The following A1CF variants were observed in gnomAD, a reference collection of about 807,000 sequenced individuals.
A1CF encodes the protein APOBEC-1 stimulating protein.
A1CF carries 48 observed loss-of-function variants against 68.9 expected under a neutral mutation model. The observed-to-expected ratio is 0.70, with a 90% CI of 0.55 to 0.89. The LOEUF is 0.89. Ranked by LOEUF, A1CF falls within the 40% of genes least tolerant of loss-of-function variation. The probability of loss-of-function intolerance (pLI) is 0.00; values close to 1 mark genes in which losing one functional copy is unlikely to be tolerated. For synonymous variants in A1CF, 272 were observed against 260.4 expected (o/e 1.04, Z -0.43); for missense variants, 653 against 718.9 (o/e 0.91, Z 1.05).
intron 3 of A1CF, among the ~76,000 whole-genome samples, chr10:50,852,062 G>A (rs1242532240): frequency 6.6e-6 from 1 of 152,150 alleles, no homozygotes; most frequent in Non-Finnish European, 1.5e-5. Context: ...ATTTGTCAGC[G>A]TGCGCAGTCC....
intron 1 of A1CF, among the ~76,000 whole-genome samples, chr10:50,874,982 T>C (rs1019558856): frequency 6.6e-6 from 1 of 152,138 alleles, no homozygotes; most frequent in African/African-American, 2.4e-5. Flanking sequence ...GCTTCTCAGG[T>C]GATAACAATA....
At chr10:50,820,320 G>A (rs577506988) in intron 8 of A1CF, among the ~76,000 whole-genome samples, 37 of 152,270 alleles carry the variant, frequency 2.4e-4, no homozygotes, top group African/African-American at 8.7e-4. Context: ...TTGAGGGCCA[G>A]TGACTTGTCC....
chr10:50,838,181 C>A (rs1290645346), intron 5 of A1CF, among the ~76,000 whole-genome samples: 2 of 152,106 alleles, frequency 1.3e-5, no homozygotes, highest in Non-Finnish European at 2.9e-5. Flanking sequence ...ATCCATGGAG[C>A]GAATGGCTCT....
chr10:50,809,190 G>C (rs1359671333), intron 12 of A1CF, among the ~76,000 whole-genome samples: 1 of 152,122 alleles, frequency 6.6e-6, no homozygotes, highest in South Asian at 2.1e-4. Flanking sequence ...TTGATCCACG[G>C]ATAGGCTTTG....
At chr10:50,856,143 A>G (rs1316225596) in intron 3 of A1CF, among the ~76,000 whole-genome samples, 1 of 152,054 alleles carries the variant, frequency 6.6e-6, no homozygotes, top group Non-Finnish European at 1.5e-5. Flanking sequence ...AGATACTAGA[A>G]TCACAAAAAT....
chr10:50,806,945 G>T (rs1837860967), intron 12 of A1CF, 65 bp from the exon 13 acceptor site: 1 of 1,510,934 alleles, frequency 6.6e-7, no homozygotes. Context: ...TGGCTTATTT[G>T]TCTTCTTTTA....
chr10:50,801,824 C>A lies in A1CF; in HGVS notation c.*4905G>T, dbSNP rs1410134167. The A allele has an allele frequency of 6.6e-6, 1 of 152,040 alleles. No homozygotes were observed. Among genetic ancestry groups the A allele is most frequent in the Non-Finnish European group, 1.5e-5 (1 of 68,016 alleles). The allele number at this position is 152,040 out of a possible 1,614,324, so 9.4% of individuals were successfully genotyped here. On this transcript the variant is annotated 3_prime_UTR_variant, in exon 13 of 13. Coordinates refer to ENST00000373997, the MANE Select transcript of A1CF (RefSeq NM_014576.4). Reference sequence around the variant, plus strand: ...GTATTTTGGTTTTCAGGTTATTTTCCCTTTCTAAATTGGCTATGAATTTCA... The same window carrying A: ...GTATTTTGGTTTTCAGGTTATTTTCACTTTCTAAATTGGCTATGAATTTCA...
chr10:50,844,181 T>C (rs1758548973), intron 3 of A1CF, 59 bp from the exon 4 acceptor site: 1 of 1,576,666 alleles, frequency 6.3e-7, no homozygotes, highest in African/African-American at 1.4e-5. Flanking sequence ...TTAATTCAAT[T>C]TCCCTGAGTA....
chr10:50,820,526 A>G, intron 8 of A1CF, 26 bp downstream of exon 8: 1 of 1,601,402 alleles, frequency 6.2e-7, no homozygotes, highest in Non-Finnish European at 8.5e-7. Flanking sequence ...TGTAATCTGC[A>G]TATTTTTTTC....
intron 8 of A1CF, chr10:50,816,638 A>G (rs752776895): frequency 4.4e-5 from 8 of 179,796 alleles, no homozygotes; most frequent in Non-Finnish European, 3.5e-5. Context: ...TATAACTACA[A>G]GACAATTTAG....
At chr10:50,832,366 C>T (rs1326049224) in intron 6 of A1CF, among the ~76,000 whole-genome samples, 1 of 152,146 alleles carries the variant, frequency 6.6e-6, no homozygotes, top group South Asian at 2.1e-4. Flanking sequence ...CTCTGGACTA[C>T]CTACCCTTCC....
At chr10:50,826,185 A>G (rs1213828191) in intron 7 of A1CF, among the ~76,000 whole-genome samples, 2 of 152,166 alleles carry the variant, frequency 1.3e-5, no homozygotes, top group Admixed American at 1.3e-4. Context: ...ATAAGAGGGG[A>G]AAAACTCATG....
At chr10:50,814,111 C>T (rs769229865) in intron 9 of A1CF, 73 bp from the exon 10 acceptor site, 5 of 1,552,456 alleles carry the variant, frequency 3.2e-6, no homozygotes, top group African/African-American at 2.7e-5. Context: ...CAGAAAATCA[C>T]CCTGAATCTT....
intron 1 of A1CF, among the ~76,000 whole-genome samples, chr10:50,881,484 A>G (rs750424536): frequency 2.0e-5 from 3 of 152,222 alleles, no homozygotes; most frequent in Non-Finnish European, 4.4e-5. Context: ...GACATCAACT[A>G]TAAGAAATTT....
rs1225445477 is a variant in A1CF, at chr10:50,805,759, A to G, written c.*970T>C. On this transcript the variant is annotated 3_prime_UTR_variant, in exon 13 of 13. Coordinates refer to ENST00000373997, the MANE Select transcript of A1CF (RefSeq NM_014576.4). The stretch of plus-strand genomic sequence containing the variant: ...AGATGGTGGGGTGGATACTGCAACA[A>G]TATCAAAGAAATGAGAGCAAATCTG... 1 of 152,240 alleles carries G rather than the reference A, an allele frequency of 6.6e-6. No individual in the cohort carries two copies. 9.4% of individuals were successfully genotyped at this position (152,240 alleles called of 1,614,324 possible). A position where few individuals can be genotyped will look rare whatever the true frequency, so the allele number is the denominator to read the frequency against.
intron 2 of A1CF, 81 bp from the exon 3 acceptor site, chr10:50,860,066 G>A: frequency 1.4e-6 from 1 of 707,190 alleles, no homozygotes. Flanking sequence ...ACATCTTTAG[G>A]AAATATTCTC....
rs1422728040 is a variant in A1CF at position 50,844,089 on chromosome 10, G to A, written c.133C>T (p.Pro45Ser). ...NGQRKYGGPP[P>S]GWDAAPPERG... ...TCAGGGGGTGCAGCATCCCAACCAG[G>A]TGGAGGGCCACCATATTTTCTTTGT... Residue 45 changes from proline (P) to serine (S), a missense_variant, in exon 4 of 13, where the codon CCT becomes TCT. Pro to Ser is a moderately conservative substitution (Grantham distance 74, BLOSUM62 -1). Transcript: ENST00000373997. 1 of 1,612,352 alleles carries A rather than the reference G, an allele frequency of 6.2e-7. No individual in the cohort carries two copies. The highest frequency in any genetic ancestry group is 1.7e-5 in the Admixed American group (1 of 59,664).
chr10:50,823,577 C>T (rs1838778448), intron 7 of A1CF: 1 of 152,134 alleles, frequency 6.6e-6, no homozygotes, highest in African/African-American at 2.4e-5. Context: ...TGCCTGGAAA[C>T]TTAATAGAAA....
chr10:50,850,908 T>C (rs1306218634), intron 3 of A1CF: 2 of 1,348,072 alleles, frequency 1.5e-6, no homozygotes, highest in Non-Finnish European at 2.0e-6. Context: ...CCCATCTAAC[T>C]TTTTTGTTTA....
Sources: gnomAD v4.1 joint callset for allele counts (sites outside exome capture counted in the v4.1 genomes callset) on GRCh38, gnomAD v4.1.1 for gene constraint, MANE v1.5 for transcripts, NCBI Gene and HGNC (gene_info 2026-07-23, HGNC 2026-07-21) for gene names.